Variants in CNST observed in about 807,000 individuals in gnomAD.
CNST encodes the protein consortin.
A neutral mutation model predicts 72.4 loss-of-function variants in CNST; 39 were observed. The observed-to-expected ratio is 0.54, with a 90% CI of 0.42 to 0.70. CNST has a LOEUF of 0.70. Ranked by LOEUF, CNST falls within the 30% of genes least tolerant of loss-of-function variation. The pLI is 0.00. For missense variants in CNST, 871 were observed against 868.5 expected, an observed-to-expected ratio of 1.00 and a Z score of -0.04; for synonymous variants, 332 against 320.1, an observed-to-expected ratio of 1.04 and a Z score of -0.40.
chr1:246,583,410 G>C (rs1660923849), intron 1 of CNST, among the ~76,000 whole-genome samples: 1 of 152,184 alleles, frequency 6.6e-6, no homozygotes, highest in African/African-American at 2.4e-5. Flanking sequence ...CTTCTTTGTA[G>C]CAAAGTTTTT....
chr1:246,566,878 C>T, intron 1 of CNST: 2 of 383,902 alleles, frequency 5.2e-6, no homozygotes, highest in Non-Finnish European at 9.2e-6. Context: ...TCTCCTATTG[C>T]TGCGCGTCGC....
chr1:246,589,809 A>T (rs922184142), intron 1 of CNST, among the ~76,000 whole-genome samples: 1 of 152,120 alleles, frequency 6.6e-6, no homozygotes, highest in Non-Finnish European at 1.5e-5. Flanking sequence ...TTGCCATTCT[A>T]ACTGGTGTGA....
chr1:246,667,286 A>G lies in CNST; in HGVS notation c.*1381A>G, dbSNP rs1667429621. 1 of 152,130 alleles carries G rather than the reference A, an allele frequency of 6.6e-6. No individual in the cohort carries two copies. The highest frequency in any genetic ancestry group is 1.5e-5 in the Non-Finnish European group (1 of 68,014). The allele number at this position is 152,130 out of a possible 1,614,324, so 9.4% of individuals were successfully genotyped here. A position where few individuals can be genotyped will look rare whatever the true frequency, so the allele number is the denominator to read the frequency against. On this transcript the variant is annotated 3_prime_UTR_variant, in exon 11 of 11. Transcript: ENST00000366513. ...CCTCCCTTTGTGTTTCTGCTTATTT[A>G]TTTAGATTATGTGAATCTTAAAGGG... is the stretch of plus-strand genomic sequence containing the variant.
At chr1:246,595,056 G>C (rs1258899181) in intron 2 of CNST, among the ~76,000 whole-genome samples, 1 of 152,042 alleles carries the variant, frequency 6.6e-6, no homozygotes, top group East Asian at 1.9e-4. Flanking sequence ...TTTAAGTTTT[G>C]TTGATAAATT....
intron 1 of CNST, among the ~76,000 whole-genome samples, chr1:246,581,892 G>A (rs556156264): frequency 2.6e-5 from 4 of 152,220 alleles, no homozygotes; most frequent in African/African-American, 9.6e-5. Context: ...TGAGATGTCT[G>A]CTAATATCAT....
intron 3 of CNST, among the ~76,000 whole-genome samples, chr1:246,624,661 C>T (rs1664305420): frequency 6.6e-6 from 1 of 152,196 alleles, no homozygotes; most frequent in Non-Finnish European, 1.5e-5. Context: ...AAGGGACACA[C>T]AAATCAGGGA....
intron 1 of CNST, among the ~76,000 whole-genome samples, chr1:246,571,156 T>G (rs1174484621): frequency 6.6e-6 from 1 of 152,244 alleles, no homozygotes; most frequent in African/African-American, 2.4e-5. Flanking sequence ...TAAATTGTTT[T>G]TATCCTTTTT....
intron 6 of CNST, among the ~76,000 whole-genome samples, chr1:246,638,357 G>A (rs369486139): frequency 3.3e-5 from 5 of 152,252 alleles, no homozygotes; most frequent in Admixed American, 6.5e-5. Context: ...TTTCCAGCCC[G>A]TATAGGATTG....
intron 1 of CNST, among the ~76,000 whole-genome samples, chr1:246,568,815 G>A (rs1370983632): frequency 6.6e-6 from 1 of 152,146 alleles, no homozygotes. Context: ...GTGATCCTCC[G>A]ACCTCCACCT....
At chr1:246,625,965 C>G (rs959826184) in intron 3 of CNST, among the ~76,000 whole-genome samples, 1 of 152,074 alleles carries the variant, frequency 6.6e-6, no homozygotes, top group Non-Finnish European at 1.5e-5. Context: ...TGTTTTGAAG[C>G]GTTTTGTTTA....
intron 1 of CNST, among the ~76,000 whole-genome samples, chr1:246,568,027 A>G (rs1659832526): frequency 6.6e-6 from 1 of 152,076 alleles, no homozygotes; most frequent in African/African-American, 2.4e-5. Context: ...GTGGCTGGGT[A>G]TGGTAGTTCA....
intron 6 of CNST, among the ~76,000 whole-genome samples, chr1:246,637,268 A>G (rs12145841): frequency 0.029 from 4,358 of 152,222 alleles, 99 homozygotes; most frequent in Non-Finnish European, 0.044. Flanking sequence ...TGAGTATCAC[A>G]GCGTAGGGGC....
chr1:246,604,233 G>A (rs887406713), intron 2 of CNST, among the ~76,000 whole-genome samples: 4 of 151,838 alleles, frequency 2.6e-5, no homozygotes, highest in Non-Finnish European at 5.9e-5. Context: ...CAGCCTGGGC[G>A]AAGACGCAAG....
chr1:246,568,525 G>C (rs963971947), intron 1 of CNST, among the ~76,000 whole-genome samples: 1 of 152,134 alleles, frequency 6.6e-6, no homozygotes, highest in Non-Finnish European at 1.5e-5. Flanking sequence ...AACTTGATTA[G>C]TGTGCAGTAT....
intron 1 of CNST, among the ~76,000 whole-genome samples, chr1:246,581,246 T>C (rs77100003): frequency 0.022 from 3,421 of 152,252 alleles, 138 homozygotes; most frequent in African/African-American, 0.077. Flanking sequence ...AGTGTCTCCA[T>C]GCTGTATTTT....
At chr1:246,661,857 A>G (rs1169881626) in intron 10 of CNST, among the ~76,000 whole-genome samples, 3 of 152,208 alleles carry the variant, frequency 2.0e-5, no homozygotes, top group Non-Finnish European at 2.9e-5. Flanking sequence ...AGGGGGCCTT[A>G]GAAATAATGT....
chr1:246,581,197 C>T (rs555214365), intron 1 of CNST, among the ~76,000 whole-genome samples: 2 of 152,328 alleles, frequency 1.3e-5, no homozygotes, highest in South Asian at 4.1e-4. Flanking sequence ...CATTCCCATA[C>T]ATGGATATGG....
In CNST at chr1:246,591,705, A is replaced by G. The variant is rs748714852; in HGVS notation, c.143A>G (p.His48Arg). The G allele has an allele frequency of 1.2e-5, 20 of 1,614,066 alleles. No individual in the cohort carries two copies. The highest frequency in any genetic ancestry group is 1.7e-6 in the Non-Finnish European group (2 of 1,180,036). Residue 48 changes from histidine to arginine, a missense_variant, in exon 2 of 11, where the codon CAT becomes CGT. By Grantham distance (29) the His-to-Arg change is conservative. Coordinates refer to ENST00000366513, the MANE Select transcript of CNST (RefSeq NM_152609.3). ...GAAAATCAGCTTGACGGGGACGGGC[A>G]TGAGCATCTGACCAGCAGTGACAGT... ...ENENQLDGDG[H>R]EHLTSSDSAM...
At chr1:246,620,608 T>C (rs12691531) in intron 2 of CNST, among the ~76,000 whole-genome samples, 22,565 of 107,598 alleles carry the variant, frequency 0.21, 49 homozygotes, top group East Asian at 0.44. Context: ...CAGTCGTGCA[T>C]ACACACGATG....
Sources: allele counts gnomAD v4.1 joint callset (sites outside exome capture counted in the v4.1 genomes callset), GRCh38; gene constraint gnomAD v4.1.1; transcripts MANE v1.5; gene names NCBI Gene and HGNC (gene_info 2026-07-23, HGNC 2026-07-21).